GOLPH3L: variants seen among roughly 807,000 people sequenced by gnomAD.
The protein encoded by GOLPH3L is golgi phosphoprotein 3 like, also known as Golgi phosphoprotein 3-like.
In GOLPH3L, 22 loss-of-function variants were observed where a neutral mutation model predicts 30.3. The observed-to-expected ratio is 0.73, with a 90% CI of 0.52 to 1.04. GOLPH3L has a LOEUF of 1.04. Among genes scored for constraint, GOLPH3L ranks in the 50% least tolerant of loss-of-function variants. GOLPH3L has a pLI of 0.00. For missense variants in GOLPH3L, 303 were observed against 345.8 expected (o/e 0.88, Z 0.98); for synonymous variants, 120 against 128.2 (o/e 0.94, Z 0.43).
chr1:150,666,026 TATTG>T lies in GOLPH3L; in HGVS notation c.184-2267_184-2264del, dbSNP rs587641883. Among the ~76,000 whole-genome samples, 551 of 152,284 alleles carry T rather than the reference TATTG, an allele frequency of 3.6e-3. 6 individuals carry two copies. The highest frequency in any genetic ancestry group is 4.6e-4 in the Non-Finnish European group (31 of 68,022). ...ATAGCAGTGAGAAATCTATCTTTCT[TATTG>T]ATTGTGGTTTTTTTGTAGGTGGTGT... On this transcript the variant is annotated intron_variant, in intron 2 of 4. Coordinates refer to ENST00000271732, the MANE Select transcript of GOLPH3L (RefSeq NM_018178.6).
intron 2 of GOLPH3L, among the ~76,000 whole-genome samples, chr1:150,692,356 T>C (rs1026799675): frequency 6.6e-6 from 1 of 152,186 alleles, no homozygotes; most frequent in Non-Finnish European, 1.5e-5. Flanking sequence ...AAAATAAAAT[T>C]AGAGCAATTC....
At chr1:150,664,364 AC>A (rs1262161669) in intron 2 of GOLPH3L, among the ~76,000 whole-genome samples, 2 of 152,136 alleles carry the variant, frequency 1.3e-5, no homozygotes, top group Non-Finnish European at 2.9e-5. Flanking sequence ...TGTTTCCATG[AC>A]ACAAAATTTC....
intron 2 of GOLPH3L, 157 bp downstream of exon 2, chr1:150,694,499 C>T: frequency 1.9e-6 from 1 of 520,540 alleles, no homozygotes; most frequent in Non-Finnish European, 3.3e-6. Flanking sequence ...TTTTACCCTC[C>T]AAGTATCGGT....
intron 2 of GOLPH3L, among the ~76,000 whole-genome samples, chr1:150,692,341 C>A (rs1019578933): frequency 3.9e-5 from 6 of 152,090 alleles, no homozygotes; most frequent in Admixed American, 6.6e-5. Context: ...TGTTAACTAT[C>A]CTCAAAAATA....
intron 2 of GOLPH3L, among the ~76,000 whole-genome samples, chr1:150,676,420 T>C (rs1198437138): frequency 6.6e-6 from 1 of 152,010 alleles, no homozygotes; most frequent in African/African-American, 2.4e-5. Flanking sequence ...AGCTACTATA[T>C]AATTTCATCC....
chr1:150,685,078 A>G (rs1651050814), intron 2 of GOLPH3L, among the ~76,000 whole-genome samples: 1 of 152,222 alleles, frequency 6.6e-6, no homozygotes, highest in South Asian at 2.1e-4. Context: ...CTTTATGACT[A>G]GAATATCTTG....
intron 2 of GOLPH3L, among the ~76,000 whole-genome samples, chr1:150,676,186 C>A (rs1169863086): frequency 2.6e-5 from 4 of 152,026 alleles, no homozygotes; most frequent in Non-Finnish European, 5.9e-5. Context: ...GTTGCCCAAG[C>A]TAGTCTCCAA....
intron 4 of GOLPH3L, among the ~76,000 whole-genome samples, chr1:150,654,964 T>C (rs1286080077): frequency 6.6e-6 from 1 of 152,222 alleles, no homozygotes; most frequent in Non-Finnish European, 1.5e-5. Context: ...CAAATTGTTA[T>C]ATCTACTTCT....
At chr1:150,668,830 C>T (rs1027577120) in intron 2 of GOLPH3L, among the ~76,000 whole-genome samples, 3 of 151,996 alleles carry the variant, frequency 2.0e-5, no homozygotes, top group East Asian at 1.9e-4. Flanking sequence ...TATTTATTCT[C>T]GTAATAAATC....
intron 2 of GOLPH3L, among the ~76,000 whole-genome samples, chr1:150,679,376 G>T (rs1480073090): frequency 6.6e-6 from 1 of 152,176 alleles, no homozygotes; most frequent in Admixed American, 6.5e-5. Context: ...ATGAAATCTA[G>T]AATTTAGTCT....
In GOLPH3L at chr1:150,691,429, T is replaced by C. The variant is rs144806563; in HGVS notation, c.183+3227A>G. Among the ~76,000 whole-genome samples, 1,272 of 152,126 alleles carry C rather than the reference T, an allele frequency of 8.4e-3. 24 individuals carry two copies. Among genetic ancestry groups the C allele is most frequent in the African/African-American group, 0.03 (1,227 of 41,524 alleles). On this transcript the variant is annotated intron_variant, in intron 2 of 4. Transcript: ENST00000271732. Reference sequence around the variant, plus strand: ...TACTCAGGAGATTGAGACAGGAGAATTGCTTGAACTCGGGAGGCGCAGGTT... The same window carrying C: ...TACTCAGGAGATTGAGACAGGAGAACTGCTTGAACTCGGGAGGCGCAGGTT...
intron 4 of GOLPH3L, among the ~76,000 whole-genome samples, chr1:150,659,911 C>T (rs1489918179): frequency 6.6e-6 from 1 of 151,834 alleles, no homozygotes; most frequent in Non-Finnish European, 1.5e-5. Flanking sequence ...GGTGCGCACC[C>T]ATAGTCCCAG....
chr1:150,687,772 C>T (rs1044004376), intron 2 of GOLPH3L, among the ~76,000 whole-genome samples: 6 of 151,926 alleles, frequency 3.9e-5, no homozygotes, highest in Non-Finnish European at 7.4e-5. Context: ...AATTCCCATA[C>T]GTATAGTGGA....
chr1:150,676,611 GTCTTCTGTATTTCATACAT>G (rs1650783973), intron 2 of GOLPH3L, among the ~76,000 whole-genome samples: 1 of 150,154 alleles, frequency 6.7e-6, no homozygotes, highest in Admixed American at 6.7e-5. Context: ...TCCATACTTA[GTCTTCTGTATTTCATACAT>G]TCTATTTTTT....
intron 2 of GOLPH3L, among the ~76,000 whole-genome samples, chr1:150,670,270 A>G (rs191418683): frequency 1.3e-5 from 2 of 151,550 alleles, no homozygotes; most frequent in African/African-American, 4.8e-5. Flanking sequence ...CTCAAAAAAA[A>G]TTGTAAAAAA....
intron 4 of GOLPH3L, among the ~76,000 whole-genome samples, chr1:150,653,951 C>T (rs375428348): frequency 3.3e-5 from 5 of 151,426 alleles, no homozygotes; most frequent in Middle Eastern, 3.4e-3. Context: ...TCAGTACAGA[C>T]GGGGTTTCAC....
At chr1:150,687,964 C>T (rs1021164731) in intron 2 of GOLPH3L, among the ~76,000 whole-genome samples, 1 of 152,086 alleles carries the variant, frequency 6.6e-6, no homozygotes, top group African/African-American at 2.4e-5. Flanking sequence ...ACAAATCTCA[C>T]AAACATTATA....
intron 2 of GOLPH3L, among the ~76,000 whole-genome samples, chr1:150,671,291 GT>G: frequency 6.6e-6 from 1 of 151,586 alleles, no homozygotes; most frequent in Non-Finnish European, 1.5e-5. Context: ...GTGTATTTCT[GT>G]TGAATATCTA....
intron 4 of GOLPH3L, among the ~76,000 whole-genome samples, chr1:150,651,068 G>A (rs941116942): frequency 6.6e-6 from 1 of 152,224 alleles, no homozygotes; most frequent in African/African-American, 2.4e-5. Context: ...TGTAATCCCA[G>A]CATTTTGAGA....
Sources: gnomAD v4.1 joint callset for allele counts (sites outside exome capture counted in the v4.1 genomes callset) on GRCh38, gnomAD v4.1.1 for gene constraint, MANE v1.5 for transcripts, NCBI Gene and HGNC (gene_info 2026-07-23, HGNC 2026-07-21) for gene names.